BSCL2: variants seen among roughly 807,000 people sequenced by gnomAD.
BSCL2 encodes BSCL2 lipid droplet biogenesis associated, seipin.
A neutral mutation model predicts 57.4 loss-of-function variants in BSCL2; 41 were observed. The observed-to-expected ratio is 0.71, with a 90% CI of 0.56 to 0.93. The LOEUF (loss-of-function observed/expected upper bound fraction) is 0.93, where lower values mean the gene tolerates loss of function less well. Ranked by LOEUF, BSCL2 falls within the 40% of genes least tolerant of loss-of-function variation. The pLI is 0.00. For synonymous variants in BSCL2, 237 were observed against 227.3 expected (o/e 1.04, Z -0.38); for missense variants, 539 against 586.7 (o/e 0.92, Z 0.84).
chr11:62,698,595 C>A (rs1224832421), intron 3 of BSCL2, among the ~76,000 whole-genome samples: 1 of 152,238 alleles, frequency 6.6e-6, no homozygotes, highest in African/African-American at 2.4e-5. Context: ...GCAGCGACCA[C>A]ATCTACTTAT....
At chr11:62,707,041 C>T in intron 1 of BSCL2, 68 bp downstream of exon 1, 4 of 1,353,616 alleles carry the variant, frequency 3.0e-6, no homozygotes, top group East Asian at 2.5e-5. Flanking sequence ...TCCATCCCCC[C>T]GCCCCCTTCA....
At position 62,690,355 on chromosome 11, in the gene BSCL2, T is replaced by G; in HGVS notation, c.*12A>C. 1 of 1,613,874 alleles carries G rather than the reference T, an allele frequency of 6.2e-7. No individual in the cohort carries two copies. The highest frequency in any genetic ancestry group is 1.1e-5 in the South Asian group (1 of 91,068). On this transcript the variant is annotated 3_prime_UTR_variant, in exon 11 of 11. Transcript: ENST00000360796. ...GGAAAGTGCTGGAATGTGAGGAGTC[T>G]GCCCCTTTTCTTCAGGAACTAGAGC...
chr11:62,698,173 C>G (rs1038231130), intron 3 of BSCL2, among the ~76,000 whole-genome samples: 17 of 151,104 alleles, frequency 1.1e-4, no homozygotes, highest in African/African-American at 3.7e-4. Flanking sequence ...TCCCAAAGTG[C>G]TGGGATTACA....
upstream of BSCL2, chr11:62,709,102 C>A: frequency 2.1e-6 from 1 of 481,628 alleles, no homozygotes; most frequent in Admixed American, 2.5e-5. Context: ...GTGACCTGCT[C>A]AGACAATGGA....
At chr11:62,705,643 A>G (rs1176459550) in intron 1 of BSCL2, 26 bp from the exon 2 acceptor site, 2 of 1,482,780 alleles carry the variant, frequency 1.3e-6, no homozygotes, top group Non-Finnish European at 1.8e-6. Context: ...GAGGGAAAAG[A>G]GTGACTCCTT....
chr11:62,709,123 C>T (rs1453150612), upstream of BSCL2: 6 of 479,878 alleles, frequency 1.3e-5, no homozygotes, highest in Admixed American at 4.7e-5. Context: ...GAGGGATGGG[C>T]CAGGTTCTTG....
intron 3 of BSCL2, among the ~76,000 whole-genome samples, chr11:62,695,643 G>A (rs1476004642): frequency 6.7e-6 from 1 of 150,276 alleles, no homozygotes; most frequent in African/African-American, 2.5e-5. Flanking sequence ...CCCTGGAGGC[G>A]GAGATTGCAG....
At chr11:62,706,368 C>G in intron 1 of BSCL2, 1 of 1,055,554 alleles carries the variant, frequency 9.5e-7, no homozygotes, top group South Asian at 1.7e-5. Context: ...GGGCTTCAGC[C>G]CAGGGCGGGG....
chr11:62,696,278 T>TTTGTGTGTG (rs1554984017), intron 3 of BSCL2, among the ~76,000 whole-genome samples: 9 of 136,324 alleles, frequency 6.6e-5, no homozygotes, highest in Admixed American at 3.9e-4. Flanking sequence ...CATAAACTTT[T>TTTGTGTGTG]TGTGTGTGTG....
At chr11:62,708,461 T>C (rs149237275), upstream of BSCL2, 1 of 1,316,820 alleles carries the variant, frequency 7.6e-7, no homozygotes, top group African/African-American at 1.4e-5. Flanking sequence ...TTCCCAAAGC[T>C]CAAGATAAGA....
chr11:62,691,418 G>C lies in BSCL2; in HGVS notation c.867C>G (p.Tyr289Ter), dbSNP rs1282057631. The change falls in exon 7 of 11, where the codon TAC (tyrosine) becomes TAG (stop). Residue 289 changes from tyrosine to a stop codon, truncating the protein, a stop_gained. Coordinates refer to ENST00000360796, the MANE Select transcript of BSCL2 (RefSeq NM_001122955.4). LOFTEE classifies it high-confidence loss of function. ...AGGTCATCGGGAAGTTGTATAGCAG[G>C]TATCTGAGGCAGGAAGTAGGGACAA... ...RIHAHFTGLRYLLYNFPMTCA... is the reference protein window; with the variant it reads ...RIHAHFTGLR 1 of 1,614,162 alleles carries C rather than the reference G, an allele frequency of 6.2e-7. No homozygotes were observed. The highest frequency in any genetic ancestry group is 8.5e-7 in the Non-Finnish European group (1 of 1,180,022).
At chr11:62,709,194 G>A (rs1321132299), upstream of BSCL2, 1 of 457,644 alleles carries the variant, frequency 2.2e-6, no homozygotes, top group Non-Finnish European at 4.4e-6. Context: ...AAGTCATCCA[G>A]AGCCTCAGGA....
chr11:62,706,173 G>C (rs1367872782), intron 1 of BSCL2: 3 of 1,030,208 alleles, frequency 2.9e-6, no homozygotes, highest in Non-Finnish European at 3.5e-6. Context: ...CCTCCAGCTC[G>C]GGGGTGGGCA....
intron 3 of BSCL2, among the ~76,000 whole-genome samples, chr11:62,702,012 T>G (rs913647030): frequency 2.0e-5 from 3 of 151,950 alleles, no homozygotes; most frequent in Non-Finnish European, 2.9e-5. Flanking sequence ...TGCAGAAAGA[T>G]CCATCAATAC....
upstream of BSCL2, chr11:62,709,350 G>A (rs1409206406): frequency 8.8e-6 from 4 of 453,892 alleles, no homozygotes; most frequent in African/African-American, 2.0e-5. Flanking sequence ...GCGAGAGAGC[G>A]TCCACAGTGT....
intron 3 of BSCL2, among the ~76,000 whole-genome samples, chr11:62,699,346 C>T (rs377606011): frequency 1.7e-4 from 26 of 151,746 alleles, no homozygotes; most frequent in Admixed American, 4.6e-4. Context: ...TACAGGCCTG[C>T]GCCACCACAC....
At chr11:62,692,157 T>C (rs1945329211) in intron 6 of BSCL2, among the ~76,000 whole-genome samples, 1 of 151,234 alleles carries the variant, frequency 6.6e-6, no homozygotes, top group Non-Finnish European at 1.5e-5. Flanking sequence ...TGATGGAGGG[T>C]TGGGGGGACA....
rs141518903 is a variant in BSCL2, at chr11:62,690,678, C to T, written c.1168G>A (p.Glu390Lys). Residue 390 changes from glutamate to lysine, a missense_variant, in exon 10 of 11, where the codon GAG becomes AAG. Glu to Lys is a moderately conservative substitution (Grantham distance 56). Transcript: ENST00000360796. ...DPSGTEGQLS[E>K]EEKPDQQPLS... ...GGCTGCTGATCTGGTTTCTCCTCCT[C>T]GGACAGCTGACCCTCTGCAGCCAAA... is the stretch of plus-strand genomic sequence containing the variant. 129 of 1,613,744 alleles carry T rather than the reference C, an allele frequency of 8.0e-5. No homozygotes were observed. Among genetic ancestry groups the T allele is most frequent in the Non-Finnish European group, 1.0e-4 (119 of 1,180,016 alleles).
chr11:62,692,326 G>T lies in BSCL2; in HGVS notation c.863+50C>A, dbSNP rs1461344090. On this transcript the variant is annotated intron_variant, in intron 6 of 10. Coordinates refer to ENST00000360796, the MANE Select transcript of BSCL2 (RefSeq NM_001122955.4). ...CTGCTTGGGACCCTCTTGGTGGAAGGTTAGCCCCCGTGAAGAGTTGCCCAA... is the reference window on the plus strand; with the variant it reads ...CTGCTTGGGACCCTCTTGGTGGAAGTTTAGCCCCCGTGAAGAGTTGCCCAA... 1.9e-6 allele frequency: 3 copies of T among 1,579,668 alleles called. No homozygotes were observed. The Admixed American group carries it at 5.0e-5, about 27-fold the overall frequency.
Sources: gnomAD v4.1 joint callset for allele counts (sites outside exome capture counted in the v4.1 genomes callset) on GRCh38, gnomAD v4.1.1 for gene constraint, MANE v1.5 for transcripts, NCBI Gene and HGNC (gene_info 2026-07-23, HGNC 2026-07-21) for gene names.